The following LRRC8C variants were observed in gnomAD, a reference collection of about 807,000 sequenced individuals.
The protein encoded by LRRC8C is volume-regulated anion channel subunit LRRC8C.
A neutral mutation model predicts 55.3 loss-of-function variants in LRRC8C; 20 were observed. The ratio of observed to expected loss-of-function variants is 0.36; its 90% CI spans 0.25 to 0.53. The LOEUF is 0.53. LRRC8C is among the 20% of genes least tolerant of loss of function. The pLI is 0.92. For synonymous variants in LRRC8C, 376 were observed against 360.7 expected, an observed-to-expected ratio of 1.04 and a Z score of -0.48; for missense variants, 659 against 951.4, an observed-to-expected ratio of 0.69 and a Z score of 4.04.
intron 2 of LRRC8C, among the ~76,000 whole-genome samples, chr1:89,687,682 C>T (rs1043262080): frequency 6.6e-6 from 1 of 152,124 alleles, no homozygotes; most frequent in Non-Finnish European, 1.5e-5. Context: ...AAGCCATGGA[C>T]AATGATGGCA....
chr1:89,710,655 G>GC (rs1167455811), intron 2 of LRRC8C, among the ~76,000 whole-genome samples: 1 of 152,060 alleles, frequency 6.6e-6, no homozygotes, highest in African/African-American at 2.4e-5. Flanking sequence ...GTAAATAGTT[G>GC]CCCCCCTGCT....
At chr1:89,626,777 G>A in the LRRC8C span, 2 of 152,076 alleles carry the variant, frequency 1.3e-5, no homozygotes, top group African/African-American at 4.8e-5. Context: ...AGGTGAATGT[G>A]TTCTTGTTCA....
chr1:89,660,458 TAAAAC>T (rs1657085381), intron 1 of LRRC8C, among the ~76,000 whole-genome samples: 1 of 152,176 alleles, frequency 6.6e-6, no homozygotes, highest in East Asian at 1.9e-4. Context: ...TCAGTGTTTT[TAAAAC>T]TCTCCAGATG....
At position 89,713,939 on chromosome 1, in the gene LRRC8C, G is replaced by A. The variant is rs764225757; in HGVS notation, c.1369G>A (p.Val457Ile). 1.2e-5 allele frequency: 20 copies of A among 1,613,430 alleles called. No individual in the cohort carries two copies. Among genetic ancestry groups the A allele is most frequent in the South Asian group, 4.4e-5 (4 of 91,078 alleles). Residue 457 changes from valine (V) to isoleucine (I), a missense_variant, in exon 3 of 3, where the codon GTA becomes ATA. Val to Ile is a conservative substitution (Grantham distance 29). Transcript: ENST00000370454. The surrounding 1 kb of genome is among the most constrained non-coding windows in gnomAD (Gnocchi z 5.2). ...QSLKLEIIKNVMIPATIAQLD... is the reference protein window; with the variant it reads ...QSLKLEIIKNIMIPATIAQLD... The stretch of plus-strand genomic sequence containing the variant: ...TCTAAAACTTGAAATCATTAAGAAC[G>A]TAATGATACCAGCCACCATTGCACA...
Position 89,714,803 on chromosome 1 carries a change from T to C in LRRC8C, c.2233T>C (p.Ser745Pro), listed in dbSNP as rs780122502. The change falls in exon 3 of 3, where the codon TCA (serine) becomes CCA (proline). Residue 745 changes from serine to proline, a missense_variant. By Grantham distance (74) the Ser-to-Pro change is moderately conservative. Coordinates refer to ENST00000370454, the MANE Select transcript of LRRC8C (RefSeq NM_032270.5). This position sits in a 1 kb window ranked among gnomAD's most constrained non-coding sequence, Gnocchi z 4.6. ...TGGAAAAAACAGCCTATCTGTACTTTCACCGAAAATTGGAAATTTGCTATT... is the reference window on the plus strand; with the variant it reads ...TGGAAAAAACAGCCTATCTGTACTTCCACCGAAAATTGGAAATTTGCTATT... ...KIGKNSLSVL[S>P]PKIGNLLFLS... 6.2e-7 allele frequency: 1 copy of C among 1,614,060 alleles called. No individual in the cohort carries two copies. Among genetic ancestry groups the C allele is most frequent in the Non-Finnish European group, 8.5e-7 (1 of 1,180,004 alleles).
At chr1:89,683,755 A>G (rs1657792257) in intron 1 of LRRC8C, among the ~76,000 whole-genome samples, 1 of 152,224 alleles carries the variant, frequency 6.6e-6, no homozygotes, top group Non-Finnish European at 1.5e-5. Flanking sequence ...AGTATCAAAA[A>G]TAAATATCTA....
At position 89,714,437 on chromosome 1, in the gene LRRC8C, A is replaced by G. The variant is rs1473131517; in HGVS notation, c.1867A>G (p.Asn623Asp). The G allele has an allele frequency of 6.2e-7, 1 of 1,614,222 alleles. No homozygotes were observed. The highest frequency in any genetic ancestry group is 8.5e-7 in the Non-Finnish European group (1 of 1,180,028). Residue 623 changes from asparagine to aspartate, a missense_variant, in exon 3 of 3, where the codon AAT becomes GAT. Asn to Asp is a conservative substitution (Grantham distance 23). This residue lies in a region of LRRC8C where 344 missense variants were observed against 464.6 expected (regional missense o/e 0.74). Coordinates refer to ENST00000370454, the MANE Select transcript of LRRC8C (RefSeq NM_032270.5). The surrounding 1 kb of genome is among the most constrained non-coding windows in gnomAD (Gnocchi z 4.6). ...CCAGGAATTGGACCTGAAGGAAAAC[A>G]ATCTGAAATCTATAGAAGAAATCGT... Reference protein sequence around the residue: ...SLQELDLKENNLKSIEEIVSF... With the variant: ...SLQELDLKENDLKSIEEIVSF...
At chr1:89,691,785 G>A (rs1044716269) in intron 2 of LRRC8C, among the ~76,000 whole-genome samples, 2 of 152,140 alleles carry the variant, frequency 1.3e-5, no homozygotes, top group Non-Finnish European at 2.9e-5. Context: ...CATCACAATT[G>A]CACAGATTGT....
intron 1 of LRRC8C, among the ~76,000 whole-genome samples, chr1:89,642,846 CAAA>C (rs34394797): frequency 5.5e-4 from 78 of 140,782 alleles, no homozygotes; most frequent in Admixed American, 5.6e-4. Context: ...GACTCCATCT[CAAA>C]AAAAAAAAAA....
Position 89,713,694 on chromosome 1 carries a change from A to G in LRRC8C, c.1124A>G (p.His375Arg), listed in dbSNP as rs1658720619. The G allele has an allele frequency of 2.5e-6, 4 of 1,614,226 alleles. No homozygotes were observed. The highest frequency in any genetic ancestry group is 3.4e-6 in the Non-Finnish European group (4 of 1,180,052). ...AAAAATGACTTTGCTTTTATGCTTC[A>G]TATGATAGATCAGTATGACCCTCTC... ...DVKNDFAFML[H>R]MIDQYDPLYS... Residue 375 changes from histidine to arginine, a missense_variant, in exon 3 of 3, where the codon CAT (histidine) becomes CGT (arginine). By Grantham distance (29) the His-to-Arg change is conservative (BLOSUM62 0). Coordinates refer to ENST00000370454, the MANE Select transcript of LRRC8C (RefSeq NM_032270.5). This position sits in a 1 kb window ranked among gnomAD's most constrained non-coding sequence, Gnocchi z 5.2.
intron 1 of LRRC8C, among the ~76,000 whole-genome samples, chr1:89,685,216 T>C (rs1156410470): frequency 6.7e-6 from 1 of 149,050 alleles, no homozygotes; most frequent in East Asian, 2.0e-4. Flanking sequence ...CTTCCCGGGT[T>C]CACGCCATTC....
chr1:89,621,575 AGTATT>A, the LRRC8C span, among the ~76,000 whole-genome samples: 2 of 152,214 alleles, frequency 1.3e-5, no homozygotes, highest in African/African-American at 4.8e-5. Context: ...TCTGAGGAAA[AGTATT>A]GTGATGTGAC....
chr1:89,661,610 G>C (rs528778775), intron 1 of LRRC8C, among the ~76,000 whole-genome samples: 2 of 152,282 alleles, frequency 1.3e-5, no homozygotes, highest in African/African-American at 4.8e-5. Flanking sequence ...ACAAATATGG[G>C]CCAGACACTC....
At chr1:89,640,278 T>C (rs757638741) in intron 1 of LRRC8C, among the ~76,000 whole-genome samples, 4 of 152,218 alleles carry the variant, frequency 2.6e-5, no homozygotes, top group Non-Finnish European at 5.9e-5. Flanking sequence ...TTGGCCAGGC[T>C]AAGCTTGAAC....
chr1:89,708,171 C>T (rs1421520347), intron 2 of LRRC8C, among the ~76,000 whole-genome samples: 5 of 151,838 alleles, frequency 3.3e-5, no homozygotes, highest in African/African-American at 1.2e-4. Flanking sequence ...AGCCTTTTTC[C>T]TCCAAAGGCA....
rs760715636 is a variant in LRRC8C at position 89,714,323 on chromosome 1, T to G, written c.1753T>G (p.Leu585Val). ...DGTKLVMLNN[L>V]KKMTNLTELE... ...CACCAAGCTGGTGATGCTCAACAAC[T>G]TAAAGAAGATGACCAATCTGACAGA... Residue 585 changes from leucine to valine, a missense_variant, in exon 3 of 3, where the codon TTA (leucine) becomes GTA (valine). Transcript: ENST00000370454. This position sits in a 1 kb window ranked among gnomAD's most constrained non-coding sequence, Gnocchi z 4.6. 6.2e-7 allele frequency: 1 copy of G among 1,614,178 alleles called. No individual in the cohort carries two copies. Among genetic ancestry groups the G allele is most frequent in the Non-Finnish European group, 8.5e-7 (1 of 1,180,022 alleles).
intron 2 of LRRC8C, chr1:89,706,277 G>A (rs1359880359): frequency 2.2e-6 from 1 of 455,890 alleles, no homozygotes; most frequent in South Asian, 1.6e-5. Context: ...AGCTGCCTTC[G>A]TTTATATGTT....
chr1:89,692,673 A>G (rs567615918), intron 2 of LRRC8C, among the ~76,000 whole-genome samples: 12 of 152,234 alleles, frequency 7.9e-5, no homozygotes, highest in Non-Finnish European at 1.0e-4. Context: ...ATCAATCCAC[A>G]TAAGAACAAA....
chr1:89,666,637 A>T (rs1657273264), intron 1 of LRRC8C, among the ~76,000 whole-genome samples: 3 of 152,172 alleles, frequency 2.0e-5, no homozygotes, highest in Non-Finnish European at 4.4e-5. Flanking sequence ...GTACAAAAGA[A>T]ATCTGGTGTT....
Sources: allele counts gnomAD v4.1 joint callset (sites outside exome capture counted in the v4.1 genomes callset), GRCh38; gene constraint gnomAD v4.1.1; regional missense constraint gnomAD v4.1.1; non-coding constraint Gnocchi (gnomAD v3.1); transcripts MANE v1.5; gene names NCBI Gene and HGNC (gene_info 2026-07-23, HGNC 2026-07-21).